The following OPCML variants were observed in gnomAD, a reference collection of about 807,000 sequenced individuals.
OPCML encodes opioid binding protein/cell adhesion molecule like, also known as opioid-binding protein/cell adhesion molecule.
Under a neutral mutation model 37.8 loss-of-function variants are expected in OPCML, and 13 were observed. That is an observed-to-expected ratio of 0.34 (90% CI 0.22 to 0.55). The LOEUF (loss-of-function observed/expected upper bound fraction) is 0.55. OPCML is among the 20% of genes least tolerant of loss of function. OPCML has a pLI of 0.91. For missense variants in OPCML, 341 were observed against 435.6 expected (o/e 0.78, Z 1.93); for synonymous variants, 176 against 168.8 (o/e 1.04, Z -0.33).
chr11:133,040,400 A>T (rs568175349), intron 1 of OPCML, among the ~76,000 whole-genome samples: 1 of 152,160 alleles, frequency 6.6e-6, no homozygotes, highest in African/African-American at 2.4e-5. Context: ...TGTTGCTTTT[A>T]GTTAAAGGAA....
intron 4 of OPCML, among the ~76,000 whole-genome samples, chr11:132,517,486 G>T (rs529939947): frequency 6.6e-6 from 1 of 152,290 alleles, no homozygotes; most frequent in South Asian, 2.1e-4. Context: ...AGAGGTGGCT[G>T]CAGTATGTTA....
intron 1 of OPCML, among the ~76,000 whole-genome samples, chr11:133,319,253 G>A (rs2136616504): frequency 6.6e-6 from 1 of 152,238 alleles, no homozygotes; most frequent in South Asian, 2.1e-4. Flanking sequence ...CATTGAAGCA[G>A]CCCAGTCAAG....
rs538624800 is a variant in OPCML at position 132,774,256 on chromosome 11, G to A, written c.147-116937C>T. On this transcript the variant is annotated intron_variant, in intron 2 of 7. Coordinates refer to ENST00000524381, the MANE Select transcript of OPCML (RefSeq NM_001012393.5). ...CACGCAGCCTGGTCTACCCTGCCCT[G>A]CTGTTCTCATCCACACACTGAAATA... Among the ~76,000 whole-genome samples, 4 of 152,282 alleles carry A rather than the reference G, an allele frequency of 2.6e-5. No individual in the cohort carries two copies. The East Asian group carries it at 5.8e-4, about 22-fold the overall frequency.
rs1039716716 is a variant in OPCML, at chr11:133,505,871, G to A, written c.61+26393C>T. 5.3e-5 allele frequency among the ~76,000 whole-genome samples: 8 copies of A among 152,052 alleles called. No homozygotes were observed. In the East Asian group the frequency reaches 5.8e-4, roughly 11 times the overall value. On this transcript the variant is annotated intron_variant, in intron 1 of 7. Transcript: ENST00000524381. ...ATGCAAGTTCTGTTTCCACACTCCCGGCCGACCTTCCTCATCAGTCATAGG... is the reference window on the plus strand; with the variant it reads ...ATGCAAGTTCTGTTTCCACACTCCCAGCCGACCTTCCTCATCAGTCATAGG...
At chr11:133,070,282 T>C (rs901738605) in intron 1 of OPCML, among the ~76,000 whole-genome samples, 1 of 152,154 alleles carries the variant, frequency 6.6e-6, no homozygotes, top group Non-Finnish European at 1.5e-5. Flanking sequence ...GCAAAGGCTG[T>C]CGTGTCTTTC....
intron 2 of OPCML, among the ~76,000 whole-genome samples, chr11:132,769,262 G>A (rs1946561740): frequency 1.4e-5 from 2 of 147,010 alleles, no homozygotes; most frequent in South Asian, 4.3e-4. Context: ...TTTTGAGACG[G>A]AGTCTCGCTC....
intron 2 of OPCML, among the ~76,000 whole-genome samples, chr11:132,940,833 C>T (rs1412276772): frequency 6.6e-6 from 1 of 151,664 alleles, no homozygotes; most frequent in African/African-American, 2.4e-5. Context: ...GAGTAATAGA[C>T]GAAAGTATAC....
intron 4 of OPCML, among the ~76,000 whole-genome samples, chr11:132,497,835 G>GA (rs2096236233): frequency 6.6e-6 from 1 of 152,116 alleles, no homozygotes; most frequent in Admixed American, 6.5e-5. Flanking sequence ...AGGTAGAGAA[G>GA]AAAACCACAA....
chr11:132,526,318 G>A (rs1591507605), intron 4 of OPCML, among the ~76,000 whole-genome samples: 1 of 152,046 alleles, frequency 6.6e-6, no homozygotes, highest in Admixed American at 6.6e-5. Context: ...ACATAGTTTT[G>A]TATATAATAT....
intron 1 of OPCML, among the ~76,000 whole-genome samples, chr11:132,970,408 C>T (rs951831664): frequency 6.6e-6 from 1 of 152,020 alleles, no homozygotes; most frequent in Non-Finnish European, 1.5e-5. Context: ...AAAACCCCAG[C>T]TTTTCCTTAA....
intron 7 of OPCML, among the ~76,000 whole-genome samples, chr11:132,434,273 A>G (rs1297038032): frequency 6.6e-6 from 1 of 152,174 alleles, no homozygotes; most frequent in African/African-American, 2.4e-5. Flanking sequence ...ATAGTTGAGG[A>G]GCTGATTTCA....
At chr11:132,835,482 G>A (rs1373217999) in intron 2 of OPCML, among the ~76,000 whole-genome samples, 2 of 152,208 alleles carry the variant, frequency 1.3e-5, no homozygotes, top group Non-Finnish European at 1.5e-5. Flanking sequence ...ACCAGAGTCT[G>A]TCTCTCCCTA....
rs80319607 is a variant in OPCML at position 132,562,754 on chromosome 11, G to A, written c.380-33568C>T. 3.4e-3 allele frequency among the ~76,000 whole-genome samples: 518 copies of A among 152,070 alleles called. 3 individuals carry two copies. The highest frequency in any genetic ancestry group is 0.012 in the African/African-American group (481 of 41,464). Reference sequence around the variant, plus strand: ...TATCCAAGCAGAACGATGCTATCTGGGAGACCTTTGGGTTGGGGGGTGCAT... The same window carrying A: ...TATCCAAGCAGAACGATGCTATCTGAGAGACCTTTGGGTTGGGGGGTGCAT... On this transcript the variant is annotated intron_variant, in intron 3 of 7. Coordinates refer to ENST00000524381, the MANE Select transcript of OPCML (RefSeq NM_001012393.5).
At chr11:132,728,688 T>G (rs1944971477) in intron 2 of OPCML, among the ~76,000 whole-genome samples, 1 of 152,120 alleles carries the variant, frequency 6.6e-6, no homozygotes, top group Non-Finnish European at 1.5e-5. Context: ...CTACTAAATA[T>G]TTGCTGAATT....
At chr11:133,029,939 GA>G (rs1261540412) in intron 1 of OPCML, among the ~76,000 whole-genome samples, 1 of 152,132 alleles carries the variant, frequency 6.6e-6, no homozygotes. Context: ...TCTTACAGAG[GA>G]GGGAGGGGAA....
chr11:133,184,880 G>A (rs1175683410), intron 1 of OPCML, among the ~76,000 whole-genome samples: 2 of 152,312 alleles, frequency 1.3e-5, no homozygotes, highest in African/African-American at 2.4e-5. Flanking sequence ...CCCGCAGGAC[G>A]TTTTCTAGTC....
chr11:133,048,140 C>T (rs1179259477), intron 1 of OPCML, among the ~76,000 whole-genome samples: 2 of 152,090 alleles, frequency 1.3e-5, no homozygotes, highest in African/African-American at 4.8e-5. Context: ...GATGCTAACT[C>T]CCCTACTAAT....
At chr11:133,044,869 G>C (rs55790138) in intron 1 of OPCML, among the ~76,000 whole-genome samples, 21,078 of 152,008 alleles carry the variant, frequency 0.14, 1,711 homozygotes, top group East Asian at 0.23. Flanking sequence ...TGAAACCCTG[G>C]TCAAAGACGG....
chr11:133,048,797 C>T (rs1192475535), intron 1 of OPCML, among the ~76,000 whole-genome samples: 3 of 152,106 alleles, frequency 2.0e-5, no homozygotes, highest in Non-Finnish European at 4.4e-5. Context: ...CTGAATTACT[C>T]TAAGCTATGG....
Sources: allele counts gnomAD v4.1 joint callset (sites outside exome capture counted in the v4.1 genomes callset), GRCh38; gene constraint gnomAD v4.1.1; transcripts MANE v1.5; gene names NCBI Gene and HGNC (gene_info 2026-07-23, HGNC 2026-07-21).